The following NAALADL2 variants were observed in gnomAD, a reference collection of about 807,000 sequenced individuals.
The protein encoded by NAALADL2 is N-acetylated alpha-linked acidic dipeptidase like 2.
In NAALADL2, 76 loss-of-function variants were observed where a neutral mutation model predicts 87.2. The ratio of observed to expected loss-of-function variants is 0.87; its 90% CI spans 0.72 to 1.05. NAALADL2 has a LOEUF of 1.05. NAALADL2 is among the 50% of genes least tolerant of loss of function. The probability of loss-of-function intolerance (pLI) is 0.00; values close to 1 mark genes in which losing one functional copy is unlikely to be tolerated. For synonymous variants in NAALADL2, 354 were observed against 331.0 expected, an observed-to-expected ratio of 1.07 and a Z score of -0.75; for missense variants, 1,089 against 945.8, an observed-to-expected ratio of 1.15 and a Z score of -1.99.
At chr3:175,733,790 C>T (rs1744113807) in intron 11 of NAALADL2, among the ~76,000 whole-genome samples, 1 of 152,148 alleles carries the variant, frequency 6.6e-6, no homozygotes, top group East Asian at 1.9e-4. Flanking sequence ...GTAAATACAG[C>T]CATTACAAAT....
chr3:175,795,518 C>T (rs924655970), intron 13 of NAALADL2, among the ~76,000 whole-genome samples: 4 of 132,318 alleles, frequency 3.0e-5, no homozygotes, highest in Non-Finnish European at 6.7e-5. Flanking sequence ...CTAAAAAATA[C>T]AAAAAAAAAA....
intron 2 of NAALADL2, among the ~76,000 whole-genome samples, chr3:174,733,544 T>C (rs1015654252): frequency 6.6e-6 from 1 of 152,214 alleles, no homozygotes; most frequent in Non-Finnish European, 1.5e-5. Flanking sequence ...TGGCTTAGCA[T>C]TTCTTGTGAT....
intron 2 of NAALADL2, among the ~76,000 whole-genome samples, chr3:174,721,540 G>A (rs527807695): frequency 2.0e-5 from 3 of 152,096 alleles, no homozygotes; most frequent in Non-Finnish European, 4.4e-5. Flanking sequence ...GCTCCTTGTT[G>A]GCATTTCTCG....
intron 11 of NAALADL2, among the ~76,000 whole-genome samples, chr3:175,694,469 A>G (rs1277401985): frequency 1.3e-5 from 2 of 152,196 alleles, no homozygotes; most frequent in Non-Finnish European, 2.9e-5. Flanking sequence ...GAAGATACTG[A>G]CACAAGAGTG....
intron 1 of NAALADL2, among the ~76,000 whole-genome samples, chr3:174,993,011 G>A (rs1050413037): frequency 1.3e-5 from 2 of 152,028 alleles, no homozygotes; most frequent in Non-Finnish European, 1.5e-5. Flanking sequence ...TTACCAGAGC[G>A]GGAGATAAGA....
At chr3:174,592,562 A>G (rs1157097550) in intron 2 of NAALADL2, among the ~76,000 whole-genome samples, 1 of 152,182 alleles carries the variant, frequency 6.6e-6, no homozygotes, top group African/African-American at 2.4e-5. Flanking sequence ...TCATCTTTAG[A>G]TGATCAATTA....
At chr3:175,745,058 C>T (rs959607567) in intron 12 of NAALADL2, among the ~76,000 whole-genome samples, 7 of 152,028 alleles carry the variant, frequency 4.6e-5, no homozygotes, top group South Asian at 4.1e-4. Context: ...GCATTTTCAA[C>T]GGTGTAATTT....
intron 3 of NAALADL2, among the ~76,000 whole-genome samples, chr3:174,752,890 C>CA: frequency 6.6e-6 from 1 of 152,078 alleles, no homozygotes; most frequent in Non-Finnish European, 1.5e-5. Context: ...CTGAACATTT[C>CA]AATGGGATAC....
chr3:174,737,712 A>T (rs1733355746), exon 3 of NAALADL2: 1 of 152,206 alleles, frequency 6.6e-6, no homozygotes, highest in South Asian at 2.1e-4. Flanking sequence ...TAACCTGCAG[A>T]AGCCCTCCAG....
At chr3:175,364,114 G>A (rs1182878524) in intron 5 of NAALADL2, among the ~76,000 whole-genome samples, 1 of 147,800 alleles carries the variant, frequency 6.8e-6, no homozygotes, top group Non-Finnish European at 1.5e-5. Flanking sequence ...TAGATTTACT[G>A]ATTCAAATAA....
At chr3:175,523,269 T>A (rs929514691) in intron 9 of NAALADL2, among the ~76,000 whole-genome samples, 3 of 152,218 alleles carry the variant, frequency 2.0e-5, no homozygotes, top group Non-Finnish European at 4.4e-5. Context: ...TGGCGTCTAA[T>A]GGATAGAGAG....
chr3:175,037,482 T>C (rs1394266759), intron 1 of NAALADL2, among the ~76,000 whole-genome samples: 1 of 152,168 alleles, frequency 6.6e-6, no homozygotes, highest in Admixed American at 6.5e-5. Context: ...TCTCACAGTT[T>C]GGGAGAATCA....
chr3:175,369,114 C>A (rs1338878106), intron 5 of NAALADL2, among the ~76,000 whole-genome samples: 1 of 152,156 alleles, frequency 6.6e-6, no homozygotes, highest in Non-Finnish European at 1.5e-5. Flanking sequence ...ACAATGAGAA[C>A]AATGCCACTA....
chr3:175,530,570 G>T (rs543665502), intron 9 of NAALADL2, among the ~76,000 whole-genome samples: 1 of 152,134 alleles, frequency 6.6e-6, no homozygotes, highest in Non-Finnish European at 1.5e-5. Context: ...CCTGCATATC[G>T]TGCAGAACCA....
At chr3:174,527,075 T>G (rs1720833836) in intron 1 of NAALADL2, among the ~76,000 whole-genome samples, 1 of 152,236 alleles carries the variant, frequency 6.6e-6, no homozygotes, top group Non-Finnish European at 1.5e-5. Flanking sequence ...GTGATATATC[T>G]ACACAGTAGA....
intron 11 of NAALADL2, among the ~76,000 whole-genome samples, chr3:175,628,617 G>GTATATATATATATATATATATATA (rs34276529): frequency 2.2e-5 from 3 of 139,200 alleles, no homozygotes; most frequent in African/African-American, 7.8e-5. Context: ...CTCTCTCTAT[G>GTATATATATATATATATATATATA]TATATATATA....
In NAALADL2 at chr3:175,541,672, C is replaced by T. The variant is rs532065814; in HGVS notation, c.1654-34369C>T. ...GATACACTTGTTTCCTTTTTTTTCC[C>T]CTCAAATACCCTAAGGCCAATATTT... On this transcript the variant is annotated intron_variant, in intron 9 of 13. Coordinates refer to ENST00000454872, the MANE Select transcript of NAALADL2 (RefSeq NM_207015.3). 1.8e-3 allele frequency among the ~76,000 whole-genome samples: 277 copies of T among 151,952 alleles called. 1 individual carries two copies. The highest frequency in any genetic ancestry group is 6.6e-3 in the African/African-American group (273 of 41,444).
intron 9 of NAALADL2, among the ~76,000 whole-genome samples, chr3:175,529,499 G>T (rs546832298): frequency 9.9e-5 from 15 of 152,252 alleles, no homozygotes; most frequent in African/African-American, 2.6e-4. Context: ...CTGGCTGTGG[G>T]AGAAACAGGA....
intron 1 of NAALADL2, among the ~76,000 whole-genome samples, chr3:174,937,770 G>C (rs1032663895): frequency 6.6e-6 from 1 of 151,888 alleles, no homozygotes; most frequent in Non-Finnish European, 1.5e-5. Flanking sequence ...AGCTAACCTA[G>C]TATTATAGGC....
Sources: gnomAD v4.1 joint callset for allele counts (sites outside exome capture counted in the v4.1 genomes callset) on GRCh38, gnomAD v4.1.1 for gene constraint, MANE v1.5 for transcripts, NCBI Gene and HGNC (gene_info 2026-07-23, HGNC 2026-07-21) for gene names.